The following ADAMTS17 variants were observed in gnomAD, a reference collection of about 807,000 sequenced individuals.
The protein encoded by ADAMTS17 is ADAM metallopeptidase with thrombospondin type 1 motif 17.
In ADAMTS17, 113 loss-of-function variants were observed where a neutral mutation model predicts 141.5. The observed-to-expected ratio is 0.80, with a 90% CI of 0.69 to 0.93. ADAMTS17 has a LOEUF of 0.93. Ranked by LOEUF, ADAMTS17 falls within the 40% of genes least tolerant of loss-of-function variation. The pLI is 0.00. For synonymous variants in ADAMTS17, 768 were observed against 630.6 expected, an observed-to-expected ratio of 1.22 and a Z score of -3.27; for missense variants, 1,659 against 1,517.9, an observed-to-expected ratio of 1.09 and a Z score of -1.54.
At chr15:100,282,345 T>C (rs1253318260) in intron 3 of ADAMTS17, among the ~76,000 whole-genome samples, 2 of 152,202 alleles carry the variant, frequency 1.3e-5, no homozygotes, top group Non-Finnish European at 2.9e-5. Context: ...CAAAACTGGA[T>C]ACAGCAGGCC....
chr15:100,034,145 T>C (rs931210082), intron 18 of ADAMTS17, among the ~76,000 whole-genome samples: 3 of 152,262 alleles, frequency 2.0e-5, no homozygotes, highest in Non-Finnish European at 2.9e-5. Context: ...CACCTCTTTC[T>C]GCAGAAGCTC....
chr15:100,148,015 C>T (rs1195643770), intron 10 of ADAMTS17, among the ~76,000 whole-genome samples: 1 of 152,254 alleles, frequency 6.6e-6, no homozygotes, highest in African/African-American at 2.4e-5. Context: ...ATCACTCCGA[C>T]TTCATGCTTC....
intron 20 of ADAMTS17, among the ~76,000 whole-genome samples, chr15:99,990,984 C>T (rs1677716328): frequency 6.6e-6 from 1 of 152,146 alleles, no homozygotes; most frequent in Non-Finnish European, 1.5e-5. Context: ...AAAACTGAAA[C>T]TGGACCCTTT....
intron 15 of ADAMTS17, among the ~76,000 whole-genome samples, chr15:100,055,680 G>T (rs1452004923): frequency 6.6e-6 from 1 of 152,174 alleles, no homozygotes; most frequent in East Asian, 1.9e-4. Context: ...ACCCACAACT[G>T]AACTGTCCTG....
At chr15:100,335,876 C>G (rs1390341242) in intron 2 of ADAMTS17, among the ~76,000 whole-genome samples, 1 of 152,166 alleles carries the variant, frequency 6.6e-6, no homozygotes, top group Non-Finnish European at 1.5e-5. Context: ...TCCTAAGAAG[C>G]AAGAATGTGA....
chr15:100,114,484 G>A (rs559443826), intron 13 of ADAMTS17, among the ~76,000 whole-genome samples: 8 of 152,306 alleles, frequency 5.3e-5, no homozygotes, highest in East Asian at 3.9e-4. Context: ...GCTGGCTTCT[G>A]TTGGTATTTG....
intron 7 of ADAMTS17, among the ~76,000 whole-genome samples, chr15:100,213,537 CA>C (rs1199948843): frequency 6.6e-6 from 1 of 152,188 alleles, no homozygotes; most frequent in Non-Finnish European, 1.5e-5. Context: ...AGCATGGGAA[CA>C]GAAAAGAGCT....
intron 13 of ADAMTS17, among the ~76,000 whole-genome samples, chr15:100,110,290 A>T (rs2036688647): frequency 7.1e-6 from 1 of 140,128 alleles, no homozygotes; most frequent in Non-Finnish European, 1.5e-5. Context: ...TTTGAGACAG[A>T]GTCTCACTCT....
chr15:100,089,837 T>G (rs1596392921), intron 15 of ADAMTS17, among the ~76,000 whole-genome samples: 9 of 89,424 alleles, frequency 1.0e-4, no homozygotes, highest in East Asian at 4.6e-4. Flanking sequence ...TGTTGTGGGG[T>G]TGGGGGAGGG....
At chr15:100,176,947 T>G (rs1299056092) in intron 8 of ADAMTS17, among the ~76,000 whole-genome samples, 1 of 152,272 alleles carries the variant, frequency 6.6e-6, no homozygotes, top group Non-Finnish European at 1.5e-5. Flanking sequence ...TGCCCATAAT[T>G]CATTCATTTT....
At chr15:100,113,131 C>G (rs72770214) in intron 13 of ADAMTS17, among the ~76,000 whole-genome samples, 1 of 152,128 alleles carries the variant, frequency 6.6e-6, no homozygotes, top group African/African-American at 2.4e-5. Context: ...CAGGCCTCTG[C>G]GGATTTTACC....
At chr15:100,075,021 A>C (rs2034269516) in intron 15 of ADAMTS17, among the ~76,000 whole-genome samples, 2 of 151,608 alleles carry the variant, frequency 1.3e-5, no homozygotes, top group South Asian at 2.1e-4. Context: ...CCTACCAATA[A>C]ATTCTAGTTG....
At chr15:100,315,247 C>T (rs1284263504) in intron 3 of ADAMTS17, among the ~76,000 whole-genome samples, 2 of 152,222 alleles carry the variant, frequency 1.3e-5, no homozygotes, top group Non-Finnish European at 2.9e-5. Context: ...CGTGCAGGGG[C>T]ACTGCTGCTT....
In ADAMTS17 at chr15:100,131,373, A is replaced by AG. The variant is rs201035389; in HGVS notation, c.1721+633_1721+634insC. Among the ~76,000 whole-genome samples the AG allele has an allele frequency of 4.9e-3, 729 of 148,298 alleles. 10 individuals are homozygous for AG. The highest frequency in any genetic ancestry group is 0.017 in the African/African-American group (678 of 40,490). On this transcript the variant is annotated intron_variant, in intron 12 of 21. Transcript: ENST00000268070. Reference sequence around the variant, plus strand: ...CCCCAGAACTTAAAGTATGAAAAAAAAAAAAAAAAGAAATGGGAAACTTCA... The same window carrying AG: ...CCCCAGAACTTAAAGTATGAAAAAAAGAAAAAAAAAGAAATGGGAAACTTCA...
At chr15:100,299,215 A>G (rs1025999313) in intron 3 of ADAMTS17, among the ~76,000 whole-genome samples, 1 of 152,056 alleles carries the variant, frequency 6.6e-6, no homozygotes, top group African/African-American at 2.4e-5. Context: ...TTAGCCCATA[A>G]GATACTCAGA....
chr15:100,021,836 G>A (rs965221829), intron 18 of ADAMTS17, among the ~76,000 whole-genome samples: 3 of 151,992 alleles, frequency 2.0e-5, no homozygotes, highest in African/African-American at 7.2e-5. Flanking sequence ...CCTTCACTCA[G>A]ACATGCTGGC....
intron 8 of ADAMTS17, among the ~76,000 whole-genome samples, chr15:100,177,186 G>A (rs765290079): frequency 4.6e-5 from 7 of 152,238 alleles, no homozygotes; most frequent in Non-Finnish European, 7.3e-5. Flanking sequence ...TTTCCAGAGC[G>A]GCTGTACCAT....
chr15:100,270,323 A>G (rs1342939374), intron 4 of ADAMTS17, among the ~76,000 whole-genome samples: 2 of 151,906 alleles, frequency 1.3e-5, no homozygotes, highest in African/African-American at 4.8e-5. Flanking sequence ...CACCCTCGGT[A>G]AAAGACAAGA....
At chr15:100,256,087 G>A (rs969848213) in intron 6 of ADAMTS17, among the ~76,000 whole-genome samples, 1 of 152,218 alleles carries the variant, frequency 6.6e-6, no homozygotes, top group Non-Finnish European at 1.5e-5. Flanking sequence ...TTTATCTCCA[G>A]GGAACCTGGC....
Sources: allele counts gnomAD v4.1 joint callset (sites outside exome capture counted in the v4.1 genomes callset), GRCh38; gene constraint gnomAD v4.1.1; transcripts MANE v1.5; gene names NCBI Gene and HGNC (gene_info 2026-07-23, HGNC 2026-07-21).